DPH6: variants seen among roughly 807,000 people sequenced by gnomAD.
The protein encoded by DPH6 is diphthine--ammonia ligase.
In DPH6, 33 loss-of-function variants were observed where a neutral mutation model predicts 38.2. That is an observed-to-expected ratio of 0.86 (90% CI 0.65 to 1.15). DPH6 has a LOEUF of 1.15. DPH6 is among the 50% of genes most tolerant of loss of function. The pLI, the probability that DPH6 is intolerant of heterozygous loss-of-function variation, is 0.00. For synonymous variants in DPH6, 108 were observed against 103.0 expected (o/e 1.05, Z -0.30); for missense variants, 325 against 320.0 (o/e 1.02, Z -0.12).
chr15:35,373,496 C>A, intron 8 of DPH6, 25 bp downstream of exon 8: 1 of 1,581,160 alleles, frequency 6.3e-7, no homozygotes, highest in Non-Finnish European at 8.6e-7. Flanking sequence ...CTATTGAAAT[C>A]ACTGTGAATC....
intron 6 of DPH6, among the ~76,000 whole-genome samples, chr15:35,389,670 C>CTT (rs200023220): frequency 6.6e-6 from 1 of 151,960 alleles, no homozygotes; most frequent in African/African-American, 2.4e-5. Context: ...CAATCCCTGC[C>CTT]TTTTTTTGTT....
chr15:35,499,503 A>G (rs144434758), intron 3 of DPH6, among the ~76,000 whole-genome samples: 6 of 152,260 alleles, frequency 3.9e-5, no homozygotes, highest in African/African-American at 9.6e-5. Flanking sequence ...ACTCCTATGG[A>G]AATCTGGGGA....
the DPH6 span, among the ~76,000 whole-genome samples, chr15:35,170,650 T>G: frequency 6.6e-6 from 1 of 152,128 alleles, no homozygotes; most frequent in African/African-American, 2.4e-5. Context: ...TTAAACATGG[T>G]TTGGAATATA....
At chr15:35,193,212 A>ATT in the DPH6 span, among the ~76,000 whole-genome samples, 1 of 150,422 alleles carries the variant, frequency 6.6e-6, no homozygotes, top group Non-Finnish European at 1.5e-5. Context: ...ATCAAAATTA[A>ATT]TTTTTTTTTT....
chr15:35,509,211 T>C (rs2054735109), intron 3 of DPH6, among the ~76,000 whole-genome samples: 1 of 152,192 alleles, frequency 6.6e-6, no homozygotes, highest in South Asian at 2.1e-4. Flanking sequence ...AGTCCTCTAT[T>C]TTCTTCCCAT....
intron 5 of DPH6, among the ~76,000 whole-genome samples, chr15:35,446,053 G>T (rs28547575): frequency 6.6e-6 from 1 of 151,936 alleles, no homozygotes; most frequent in Non-Finnish European, 1.5e-5. Context: ...TTCTCAAGAC[G>T]CAGAGAAAAG....
intron 3 of DPH6, among the ~76,000 whole-genome samples, chr15:35,350,756 A>G (rs1017120316): frequency 6.6e-6 from 1 of 152,102 alleles, no homozygotes; most frequent in African/African-American, 2.4e-5. Context: ...TCCTTTTGCT[A>G]TTGATTTCTA....
At chr15:35,373,658 C>G (rs78747508) in intron 7 of DPH6, 50 bp from the exon 8 acceptor site, 48,126 of 1,467,854 alleles carry the variant, frequency 0.033, 919 homozygotes, top group Middle Eastern at 0.05. Flanking sequence ...AAAATTGTGA[C>G]AAATCATTCC....
rs79299006 is a variant in DPH6, at chr15:35,462,484, T to C, written c.313-7664A>G. On this transcript the variant is annotated intron_variant, in intron 3 of 8. Transcript: ENST00000256538. Reference sequence around the variant, plus strand: ...CTCCACTGATGCACACTGCAGTCCTTACTGCTCCTCAAACACCTATGCTTG... The same window carrying C: ...CTCCACTGATGCACACTGCAGTCCTCACTGCTCCTCAAACACCTATGCTTG... Among the ~76,000 whole-genome samples the C allele has an allele frequency of 9.0e-3, 1,364 of 152,324 alleles. 23 individuals carry two copies. The highest frequency in any genetic ancestry group is 0.031 in the African/African-American group (1,305 of 41,562).
At chr15:35,458,149 A>G (rs2054019577) in intron 3 of DPH6, among the ~76,000 whole-genome samples, 1 of 152,002 alleles carries the variant, frequency 6.6e-6, no homozygotes, top group Admixed American at 6.6e-5. Context: ...CTTATTTTTT[A>G]TTGGTTCTTC....
intron 3 of DPH6, among the ~76,000 whole-genome samples, chr15:35,324,214 A>G (rs1261841200): frequency 6.6e-6 from 1 of 152,072 alleles, no homozygotes; most frequent in Non-Finnish European, 1.5e-5. Flanking sequence ...CTAATTCCTC[A>G]CCCTTTATAT....
At chr15:35,292,735 G>A (rs919600612) in intron 3 of DPH6, among the ~76,000 whole-genome samples, 1 of 151,994 alleles carries the variant, frequency 6.6e-6, no homozygotes, top group African/African-American at 2.4e-5. Flanking sequence ...AGAAATGCTG[G>A]GAAACTTGCT....
chr15:35,212,500 G>C (rs759847484), downstream of DPH6, among the ~76,000 whole-genome samples: 8 of 152,174 alleles, frequency 5.3e-5, no homozygotes, highest in Non-Finnish European at 1.0e-4. Context: ...GATACAAAGG[G>C]CAGGGGAAAG....
chr15:35,176,855 T>G, the DPH6 span, among the ~76,000 whole-genome samples: 1 of 152,194 alleles, frequency 6.6e-6, no homozygotes, highest in Non-Finnish European at 1.5e-5. Flanking sequence ...ACTACCATAA[T>G]AACAGTCAGA....
At chr15:35,344,788 A>T (rs1208752988) in intron 3 of DPH6, among the ~76,000 whole-genome samples, 1 of 151,900 alleles carries the variant, frequency 6.6e-6, no homozygotes, top group African/African-American at 2.4e-5. Flanking sequence ...GGCCACAGTT[A>T]AAGAATGTGC....
chr15:35,493,543 G>C (rs1461758461), intron 3 of DPH6, among the ~76,000 whole-genome samples: 2 of 152,182 alleles, frequency 1.3e-5, no homozygotes, highest in African/African-American at 2.4e-5. Flanking sequence ...GGGACATTCA[G>C]AGATACCAGA....
intron 5 of DPH6, among the ~76,000 whole-genome samples, chr15:35,411,947 T>C (rs2053372192): frequency 6.6e-6 from 1 of 151,556 alleles, no homozygotes. Context: ...TTGGGTATGG[T>C]GATGACTTCT....
chr15:35,293,810 T>C (rs1019578174), intron 3 of DPH6, among the ~76,000 whole-genome samples: 4 of 152,238 alleles, frequency 2.6e-5, no homozygotes, highest in South Asian at 4.1e-4. Context: ...AGAATTAAAA[T>C]GGAAACAGAA....
intron 3 of DPH6, among the ~76,000 whole-genome samples, chr15:35,363,144 T>C (rs550131580): frequency 6.6e-6 from 1 of 152,318 alleles, no homozygotes; most frequent in African/African-American, 2.4e-5. Context: ...TCTATGTTTG[T>C]AGGGTCACGT....
Sources: allele counts gnomAD v4.1 joint callset (sites outside exome capture counted in the v4.1 genomes callset), GRCh38; gene constraint gnomAD v4.1.1; transcripts MANE v1.5; gene names NCBI Gene and HGNC (gene_info 2026-07-23, HGNC 2026-07-21).